ZFHX3: variants seen among roughly 807,000 people sequenced by gnomAD.
The protein encoded by ZFHX3 is zinc finger homeobox protein 3.
ZFHX3 carries 42 observed loss-of-function variants against 279.1 expected under a neutral mutation model. The observed-to-expected ratio is 0.15, with a 90% CI of 0.12 to 0.19. The LOEUF (loss-of-function observed/expected upper bound fraction) is 0.19. Ranked by LOEUF, ZFHX3 falls within the 10% of genes least tolerant of loss-of-function variation. ZFHX3 has a pLI of 1.00. For missense variants in ZFHX3, 4,981 were observed against 4,754.0 expected (o/e 1.05, Z -1.40); for synonymous variants, 2,293 against 1,957.8 (o/e 1.17, Z -4.52).
chr16:73,065,426 A>G (rs934758290), intron 8 of ZFHX3, among the ~76,000 whole-genome samples: 1 of 150,922 alleles, frequency 6.6e-6, no homozygotes, highest in Admixed American at 6.6e-5. Context: ...AAAGGAACCT[A>G]TGCCGTGTAC....
At chr16:73,054,784 T>G (rs945335784) in intron 1 of ZFHX3, among the ~76,000 whole-genome samples, 9 of 152,044 alleles carry the variant, frequency 5.9e-5, no homozygotes, top group African/African-American at 2.2e-4. Flanking sequence ...CCGCCGTTGC[T>G]CCTCTCTGTA....
At chr16:73,013,075 C>T (rs1188694611) in intron 1 of ZFHX3, among the ~76,000 whole-genome samples, 4 of 152,118 alleles carry the variant, frequency 2.6e-5, no homozygotes, top group Non-Finnish European at 5.9e-5. Context: ...GAGGTACAGA[C>T]CTACCAATCA....
At chr16:73,051,995 G>A (rs1319602188), upstream of ZFHX3, among the ~76,000 whole-genome samples, 2 of 152,290 alleles carry the variant, frequency 1.3e-5, no homozygotes, top group African/African-American at 4.8e-5. Context: ...ATACATTACA[G>A]GAGAGAGAGG....
rs547618913 is a variant in ZFHX3 at position 72,907,545 on chromosome 16, T to TTGTGTGTGTGTG, written c.3217-17595_3217-17584dup. Reference sequence around the variant, plus strand: ...CTCGGTTTCCAAAGGTTTCCTCTATTTGTGTGTGTGTGTGTGTGTGTGTGT... The same window carrying TTGTGTGTGTGTG: ...CTCGGTTTCCAAAGGTTTCCTCTATTTGTGTGTGTGTGTGTGTGTGTGTGTGTGTGTGTGTGT... On this transcript the variant is annotated intron_variant, in intron 3 of 9. Coordinates refer to ENST00000268489, the MANE Select transcript of ZFHX3 (RefSeq NM_006885.4). Among the ~76,000 whole-genome samples, 362 of 120,456 alleles carry TTGTGTGTGTGTG rather than the reference T, an allele frequency of 3.0e-3. 4 individuals carry two copies. Among genetic ancestry groups the TTGTGTGTGTGTG allele is most frequent in the East Asian group, 6.5e-3 (25 of 3,818 alleles). 79.0% of individuals were successfully genotyped at this position (120,456 alleles called of 152,430 possible). A position where few individuals can be genotyped will look rare whatever the true frequency, so the allele number is the denominator to read the frequency against.
chr16:73,295,003 GGAGATC>G lies in ZFHX3; in HGVS notation c.-1194+23231_-1194+23236del, dbSNP rs1321181792. Among the ~76,000 whole-genome samples the G allele has an allele frequency of 3.3e-5, 5 of 152,134 alleles. No individual in the cohort carries two copies. The East Asian group carries it at 9.7e-4, about 29-fold the overall frequency. On this transcript the variant is annotated intron_variant, in intron 4 of 17. Coordinates refer to the ZFHX3 transcript ENST00000641206. ...CCGAGACGGGCGGATCACGAGGTCA[GGAGATC>G]GAGACCATCCTGGCTAACAAGGTGA...
chr16:73,298,559 G>T (rs1013292718), intron 4 of ZFHX3, among the ~76,000 whole-genome samples: 6 of 136,652 alleles, frequency 4.4e-5, no homozygotes, highest in Non-Finnish European at 7.8e-5. Flanking sequence ...GTTGTTGATT[G>T]TGTAGAGGGC....
intron 2 of ZFHX3, among the ~76,000 whole-genome samples, chr16:73,473,170 A>C (rs915594350): frequency 2.0e-5 from 3 of 151,366 alleles, no homozygotes; most frequent in Non-Finnish European, 2.9e-5. Flanking sequence ...GCAAGACCCT[A>C]TCTCTACAAA....
chr16:73,578,307 A>C (rs1166987478), intron 2 of ZFHX3, among the ~76,000 whole-genome samples: 1 of 152,158 alleles, frequency 6.6e-6, no homozygotes, highest in African/African-American at 2.4e-5. Flanking sequence ...TAGATACATA[A>C]AATTTTAGCA....
chr16:73,856,766 C>T (rs1037290260), intron 1 of ZFHX3, among the ~76,000 whole-genome samples: 3 of 152,202 alleles, frequency 2.0e-5, no homozygotes, highest in East Asian at 3.8e-4. Flanking sequence ...CCAGCCTGCC[C>T]TCTGCCTCCA....
rs35471941 is a variant in ZFHX3 at position 73,038,676 on chromosome 16, A to ACT, written c.-50+9074_-50+9075dup. On this transcript the variant is annotated intron_variant, in intron 1 of 9. Transcript: ENST00000268489. ...AATGTACAATTACATATAAGCTTGTACTCTCTCTCTCTCTCTCTCTATTGG... is the reference window on the plus strand; with the variant it reads ...AATGTACAATTACATATAAGCTTGTACTCTCTCTCTCTCTCTCTCTCTATTGG... Among the ~76,000 whole-genome samples the ACT allele has an allele frequency of 3.4e-3, 506 of 147,452 alleles. 1 individual carries two copies. Among genetic ancestry groups the ACT allele is most frequent in the East Asian group, 4.8e-3 (24 of 5,044 alleles).
intron 1 of ZFHX3, among the ~76,000 whole-genome samples, chr16:73,854,197 T>C (rs1775249808): frequency 6.6e-6 from 1 of 152,218 alleles, no homozygotes. Flanking sequence ...CTGTTTCAGG[T>C]TCTCTTTGGC....
At chr16:73,446,654 G>C (rs184146913) in intron 3 of ZFHX3, among the ~76,000 whole-genome samples, 35 of 152,260 alleles carry the variant, frequency 2.3e-4, no homozygotes, top group African/African-American at 7.0e-4. Flanking sequence ...AGTGCTGCAT[G>C]TTCTCACTTA....
intron 8 of ZFHX3, among the ~76,000 whole-genome samples, chr16:72,799,050 G>A (rs1006500080): frequency 2.6e-5 from 4 of 152,202 alleles, no homozygotes; most frequent in Non-Finnish European, 5.9e-5. Context: ...TTTCTCAAGA[G>A]CTGGTTTGAA....
At chr16:73,247,775 T>A (rs954684848) in intron 5 of ZFHX3, among the ~76,000 whole-genome samples, 1 of 152,166 alleles carries the variant, frequency 6.6e-6, no homozygotes, top group African/African-American at 2.4e-5. Flanking sequence ...ATACTGCATA[T>A]ATGATGTGTC....
Position 73,871,778 on chromosome 16 carries a change from G to A in ZFHX3, c.-1608+19873C>T, listed in dbSNP as rs915589755. Among the ~76,000 whole-genome samples the A allele has an allele frequency of 2.6e-5, 4 of 152,124 alleles. No homozygotes were observed. In the East Asian group the frequency reaches 7.7e-4, roughly 29 times the overall value. ...CTATTAGATACCTCTGGTGGTAGTT[G>A]TTTCATAGTGAGACCATAGTTAGAC... is the stretch of plus-strand genomic sequence containing the variant. On this transcript the variant is annotated intron_variant, in intron 1 of 17. Coordinates refer to the ZFHX3 transcript ENST00000641206.
At chr16:73,879,191 G>A (rs1450592211) in intron 1 of ZFHX3, among the ~76,000 whole-genome samples, 1 of 148,714 alleles carries the variant, frequency 6.7e-6, no homozygotes, top group Non-Finnish European at 1.5e-5. Context: ...AGCAGTTTGT[G>A]TTAGCATTTG....
intron 1 of ZFHX3, among the ~76,000 whole-genome samples, chr16:73,745,283 T>A (rs2053693766): frequency 6.6e-6 from 1 of 152,210 alleles, no homozygotes; most frequent in Non-Finnish European, 1.5e-5. Context: ...GTTGACTTCT[T>A]CAGTGTCTCC....
At chr16:73,884,593 A>G (rs1412182297) in intron 1 of ZFHX3, among the ~76,000 whole-genome samples, 2 of 152,216 alleles carry the variant, frequency 1.3e-5, no homozygotes, top group African/African-American at 4.8e-5. Context: ...GTTTCCAACC[A>G]CAGATGACTA....
intron 2 of ZFHX3, among the ~76,000 whole-genome samples, chr16:73,563,145 G>C (rs2020395932): frequency 6.7e-6 from 1 of 149,700 alleles, no homozygotes; most frequent in South Asian, 2.1e-4. Flanking sequence ...TGAAAGTGCA[G>C]TCTTTTTTTG....
Sources: allele counts gnomAD v4.1 joint callset (sites outside exome capture counted in the v4.1 genomes callset), GRCh38; gene constraint gnomAD v4.1.1; transcripts MANE v1.5; gene names NCBI Gene and HGNC (gene_info 2026-07-23, HGNC 2026-07-21).